Variants in NBEA observed in about 807,000 individuals in gnomAD.
NBEA encodes the protein neurobeachin.
A neutral mutation model predicts 343.4 loss-of-function variants in NBEA; 44 were observed. The ratio of observed to expected loss-of-function variants is 0.13; its 90% CI spans 0.10 to 0.16. The LOEUF is 0.16. NBEA is among the 10% of genes least tolerant of loss of function. The probability of loss-of-function intolerance (pLI) is 1.00; values close to 1 mark genes in which losing one functional copy is unlikely to be tolerated. For missense variants in NBEA, 2,555 were observed against 3,631.3 expected (o/e 0.70, Z 7.62); for synonymous variants, 1,175 against 1,238.7 (o/e 0.95, Z 1.08).
chr13:35,039,634 AT>A (rs2062576364), intron 1 of NBEA, among the ~76,000 whole-genome samples: 1 of 152,192 alleles, frequency 6.6e-6, no homozygotes, highest in South Asian at 2.1e-4. Flanking sequence ...GTCATAATAG[AT>A]GTAAAACATG....
intron 40 of NBEA, among the ~76,000 whole-genome samples, chr13:35,465,722 T>A (rs1000053482): frequency 6.6e-6 from 1 of 152,196 alleles, no homozygotes; most frequent in African/African-American, 2.4e-5. Context: ...TAGTACTTTT[T>A]GTATTAGAAA....
chr13:35,348,994 C>T, intron 36 of NBEA, 114 bp from the exon 37 acceptor site: 1 of 410,900 alleles, frequency 2.4e-6, no homozygotes, highest in East Asian at 3.6e-5. Flanking sequence ...AATTTTATAT[C>T]TAGCTTTATC....
intron 1 of NBEA, among the ~76,000 whole-genome samples, chr13:35,019,801 T>G (rs962322842): frequency 6.6e-6 from 1 of 152,224 alleles, no homozygotes; most frequent in African/African-American, 2.4e-5. Flanking sequence ...ATAAAGTTGT[T>G]CACAAGAATA....
At chr13:34,958,967 T>C (rs759836541) in intron 1 of NBEA, among the ~76,000 whole-genome samples, 1 of 152,156 alleles carries the variant, frequency 6.6e-6, no homozygotes, top group Non-Finnish European at 1.5e-5. Context: ...TGTAAGGATA[T>C]CCTGTCCCCT....
At chr13:35,329,155 C>T (rs2038773607) in intron 36 of NBEA, among the ~76,000 whole-genome samples, 1 of 152,062 alleles carries the variant, frequency 6.6e-6, no homozygotes, top group East Asian at 1.9e-4. Context: ...TAACATTACA[C>T]ACTTGCTGTA....
At chr13:35,551,055 T>G in intron 43 of NBEA, 23 bp downstream of exon 43, 1 of 1,280,330 alleles carries the variant, frequency 7.8e-7, no homozygotes, top group Non-Finnish European at 1.1e-6. Flanking sequence ...TATTACATAT[T>G]ATCTATGGCT....
At chr13:35,361,141 G>A (rs954045833) in intron 38 of NBEA, among the ~76,000 whole-genome samples, 1 of 151,938 alleles carries the variant, frequency 6.6e-6, no homozygotes, top group Non-Finnish European at 1.5e-5. Context: ...ACATATAATA[G>A]GCAACAATTC....
At chr13:35,157,548 C>T (rs1335848355) in intron 21 of NBEA, among the ~76,000 whole-genome samples, 1 of 152,096 alleles carries the variant, frequency 6.6e-6, no homozygotes, top group African/African-American at 2.4e-5. Context: ...ATCTGAGCCA[C>T]TTGCTCTTTC....
intron 38 of NBEA, among the ~76,000 whole-genome samples, chr13:35,379,483 C>A (rs1172410366): frequency 6.6e-6 from 1 of 152,008 alleles, no homozygotes; most frequent in Non-Finnish European, 1.5e-5. Context: ...TTGCAAATAT[C>A]CTACTCTGGG....
chr13:35,201,440 T>A lies in NBEA; in HGVS notation c.5366+5138T>A, dbSNP rs569448195. Among the ~76,000 whole-genome samples the A allele has an allele frequency of 6.6e-5, 10 of 152,254 alleles. No homozygotes were observed. In the South Asian group the frequency reaches 1.7e-3, roughly 25 times the overall value. On this transcript the variant is annotated intron_variant, in intron 31 of 58. Coordinates refer to ENST00000379939, the MANE Select transcript of NBEA (RefSeq NM_001385012.1). ...AGAGCATTCACCTTGCGATTTCTGA[T>A]GAACTGAAGTAAATTGTCATGTTAT...
At position 35,565,160 on chromosome 13, in the gene NBEA, T is replaced by A. The variant is rs1052350723; in HGVS notation, c.6923-1745T>A. Among the ~76,000 whole-genome samples the A allele has an allele frequency of 2.0e-5, 3 of 152,328 alleles. No homozygotes were observed. The East Asian group carries it at 5.8e-4, about 29-fold the overall frequency. On this transcript the variant is annotated intron_variant, in intron 44 of 58. Coordinates refer to ENST00000379939, the MANE Select transcript of NBEA (RefSeq NM_001385012.1). ...AGTAAATGCAAAGTGGAAGCAACATTCTGCTGCCATTACCCACACCTATAT... is the reference window on the plus strand; with the variant it reads ...AGTAAATGCAAAGTGGAAGCAACATACTGCTGCCATTACCCACACCTATAT...
At chr13:35,075,285 G>A (rs1288956368) in intron 10 of NBEA, among the ~76,000 whole-genome samples, 4 of 152,010 alleles carry the variant, frequency 2.6e-5, no homozygotes, top group East Asian at 1.9e-4. Context: ...CTGTCATAGC[G>A]TCTGTACATA....
intron 41 of NBEA, among the ~76,000 whole-genome samples, chr13:35,526,778 G>C (rs1216140200): frequency 6.6e-6 from 1 of 152,182 alleles, no homozygotes; most frequent in Non-Finnish European, 1.5e-5. Context: ...CGGCCACCGT[G>C]CACAGCCAGG....
chr13:35,550,363 G>T (rs2153012570), intron 41 of NBEA, 114 bp from the exon 42 acceptor site: 1 of 608,564 alleles, frequency 1.6e-6, no homozygotes. Context: ...TGACAATGTT[G>T]TGACAGACAG....
chr13:35,566,462 G>A lies in NBEA; in HGVS notation c.6923-443G>A, dbSNP rs149985074. On this transcript the variant is annotated intron_variant, in intron 44 of 58. Coordinates refer to ENST00000379939, the MANE Select transcript of NBEA (RefSeq NM_001385012.1). Reference sequence around the variant, plus strand: ...GACTTCCTCCATAATTACTTTCAGGGCCTCTGACTGGCAAGGCTCTGCTTC... The same window carrying A: ...GACTTCCTCCATAATTACTTTCAGGACCTCTGACTGGCAAGGCTCTGCTTC... Among the ~76,000 whole-genome samples, 392 of 152,268 alleles carry A rather than the reference G, an allele frequency of 2.6e-3. 2 individuals are homozygous for A. Among genetic ancestry groups the A allele is most frequent in the African/African-American group, 9.2e-3 (382 of 41,558 alleles).
chr13:35,040,893 T>C (rs1394648821), intron 1 of NBEA, 40 bp from the exon 2 acceptor site: 2 of 1,521,516 alleles, frequency 1.3e-6, no homozygotes, highest in Non-Finnish European at 1.8e-6. Context: ...ATCGATAACC[T>C]CCCATGTTAA....
In NBEA at chr13:35,660,495, G is replaced by A. The variant is rs150268224; in HGVS notation, c.8363-4590G>A. ...TTTTTAAAAATAAGTATTTTAGCTC[G>A]TGTACGGGCATTATGCAGACTGTCA... is the stretch of plus-strand genomic sequence containing the variant. On this transcript the variant is annotated intron_variant, in intron 55 of 58. Transcript: ENST00000379939. 1.7e-3 allele frequency among the ~76,000 whole-genome samples: 255 copies of A among 152,176 alleles called. 2 individuals carry two copies. The highest frequency in any genetic ancestry group is 3.4e-3 in the Middle Eastern group (1 of 294).
chr13:35,440,072 G>A (rs542278936), intron 39 of NBEA, among the ~76,000 whole-genome samples: 98 of 152,274 alleles, frequency 6.4e-4, no homozygotes, highest in Middle Eastern at 3.4e-3. Flanking sequence ...TAGAGACAGG[G>A]TTTCACCATG....
At chr13:35,308,050 G>A (rs1425127286) in intron 35 of NBEA, among the ~76,000 whole-genome samples, 1 of 151,820 alleles carries the variant, frequency 6.6e-6, no homozygotes, top group East Asian at 1.9e-4. Context: ...TCTCTCCTTG[G>A]GAGATTCAGG....
Sources: gnomAD v4.1 joint callset for allele counts (sites outside exome capture counted in the v4.1 genomes callset) on GRCh38, gnomAD v4.1.1 for gene constraint, MANE v1.5 for transcripts, NCBI Gene and HGNC (gene_info 2026-07-23, HGNC 2026-07-21) for gene names.